Variants in KCNIP4 observed in about 807,000 individuals in gnomAD.
KCNIP4 encodes the protein potassium voltage-gated channel interacting protein 4.
Under a neutral mutation model 34.0 loss-of-function variants are expected in KCNIP4, and 12 were observed. That is an observed-to-expected ratio of 0.35 (90% CI 0.23 to 0.57). KCNIP4 has a LOEUF of 0.57. KCNIP4 is among the 20% of genes least tolerant of loss of function. The pLI is 0.83. For missense variants in KCNIP4, 238 were observed against 311.7 expected (o/e 0.76, Z 1.78); for synonymous variants, 124 against 102.2 (o/e 1.21, Z -1.29).
intron 1 of KCNIP4, among the ~76,000 whole-genome samples, chr4:21,389,799 T>C (rs1722385184): frequency 6.6e-6 from 1 of 152,076 alleles, no homozygotes; most frequent in African/African-American, 2.4e-5. Context: ...TAATTTATAA[T>C]CCTTTGGGCA....
chr4:21,562,222 TA>T (rs11460746), intron 1 of KCNIP4, among the ~76,000 whole-genome samples: 7 of 150,728 alleles, frequency 4.6e-5, no homozygotes, highest in East Asian at 2.0e-4. Context: ...AGGTTTAATT[TA>T]AAAAAAAAAT....
At chr4:21,401,656 A>G (rs1194353675) in intron 1 of KCNIP4, among the ~76,000 whole-genome samples, 3 of 152,248 alleles carry the variant, frequency 2.0e-5, no homozygotes, top group Non-Finnish European at 4.4e-5. Flanking sequence ...ATTAAGGAGC[A>G]GAGTATCCCA....
chr4:21,463,625 G>T (rs748940826), intron 1 of KCNIP4, among the ~76,000 whole-genome samples: 1 of 151,910 alleles, frequency 6.6e-6, no homozygotes, highest in Admixed American at 6.6e-5. Flanking sequence ...ATTTTATTGA[G>T]AAATTTTGTG....
intron 3 of KCNIP4, among the ~76,000 whole-genome samples, chr4:20,800,947 C>T (rs1714148192): frequency 6.6e-6 from 1 of 152,104 alleles, no homozygotes; most frequent in Non-Finnish European, 1.5e-5. Flanking sequence ...GGTCCCCAAA[C>T]ATATATAACC....
At chr4:21,009,872 C>G (rs1341480769) in intron 1 of KCNIP4, among the ~76,000 whole-genome samples, 2 of 152,162 alleles carry the variant, frequency 1.3e-5, no homozygotes, top group Non-Finnish European at 2.9e-5. Context: ...TTTGTCTGTG[C>G]CATTTTAAAA....
chr4:21,420,743 TG>T (rs1225624486), intron 1 of KCNIP4, among the ~76,000 whole-genome samples: 1 of 152,172 alleles, frequency 6.6e-6, no homozygotes. Flanking sequence ...GCAAACTTTT[TG>T]ATATAATCTC....
At chr4:20,747,895 T>C (rs1019200867) in intron 5 of KCNIP4, among the ~76,000 whole-genome samples, 5 of 152,210 alleles carry the variant, frequency 3.3e-5, no homozygotes, top group African/African-American at 9.6e-5. Flanking sequence ...TTCACCCAGA[T>C]AGCTGCCTAC....
intron 1 of KCNIP4, among the ~76,000 whole-genome samples, chr4:21,027,615 T>C (rs1382422059): frequency 1.3e-5 from 2 of 150,148 alleles, no homozygotes; most frequent in Admixed American, 6.6e-5. Flanking sequence ...TGAAAAGATA[T>C]GTAATCTTCT....
rs916168986 is a variant in KCNIP4 at position 21,729,550 on chromosome 4, C to G, written c.61+219021G>C. Among the ~76,000 whole-genome samples the G allele has an allele frequency of 2.6e-5, 4 of 150,970 alleles. No homozygotes were observed. In the Admixed American group the frequency reaches 2.7e-4, roughly 10 times the overall value. The stretch of plus-strand genomic sequence containing the variant: ...AAGATTTTTGCTGTGTTCTATGGAG[C>G]CTCAAGTGTTTTTTAAATGAAAAAG... On this transcript the variant is annotated intron_variant, in intron 1 of 8. Coordinates refer to ENST00000382152, the MANE Select transcript of KCNIP4 (RefSeq NM_025221.6).
chr4:20,999,438 G>GTTTTTTTTTTTTTTTTTTTTTTTTTTT (rs56952036), intron 1 of KCNIP4, among the ~76,000 whole-genome samples: 4 of 45,530 alleles, frequency 8.8e-5, no homozygotes, highest in Admixed American at 3.0e-4. Context: ...TTTGTTTTTT[G>GTTTTTTTTTTTTTTTTTTTTTTTTTTT]TTTTTTTTTT....
At chr4:21,072,793 T>C (rs1190969332) in intron 1 of KCNIP4, among the ~76,000 whole-genome samples, 1 of 152,204 alleles carries the variant, frequency 6.6e-6, no homozygotes, top group Non-Finnish European at 1.5e-5. Context: ...AACATGTAAG[T>C]CTTTAATCCA....
intron 1 of KCNIP4, among the ~76,000 whole-genome samples, chr4:21,576,925 T>C (rs1238528499): frequency 6.6e-6 from 1 of 152,160 alleles, no homozygotes; most frequent in Non-Finnish European, 1.5e-5. Context: ...ATGACACTCA[T>C]AATAGTAATA....
At chr4:21,770,293 G>A (rs969981827) in intron 1 of KCNIP4, among the ~76,000 whole-genome samples, 2 of 152,076 alleles carry the variant, frequency 1.3e-5, no homozygotes, top group African/African-American at 4.8e-5. Flanking sequence ...CAAAAGATAT[G>A]GCCTCATTCC....
chr4:21,639,108 C>T (rs982116693), intron 1 of KCNIP4, among the ~76,000 whole-genome samples: 1 of 152,014 alleles, frequency 6.6e-6, no homozygotes, highest in Non-Finnish European at 1.5e-5. Context: ...AGAACTATTG[C>T]CCAGAAATGA....
At chr4:21,224,861 A>G (rs1484091337) in intron 1 of KCNIP4, among the ~76,000 whole-genome samples, 1 of 152,054 alleles carries the variant, frequency 6.6e-6, no homozygotes, top group Non-Finnish European at 1.5e-5. Context: ...TGCTGAGATT[A>G]CAGGCATGAG....
At chr4:21,085,259 C>T (rs1398499499) in intron 1 of KCNIP4, among the ~76,000 whole-genome samples, 6 of 152,158 alleles carry the variant, frequency 3.9e-5, no homozygotes, top group Admixed American at 6.6e-5. Flanking sequence ...TATGAGGATA[C>T]ATGCAGCTAT....
At chr4:21,886,274 A>G (rs985682732) in intron 1 of KCNIP4, among the ~76,000 whole-genome samples, 2 of 152,114 alleles carry the variant, frequency 1.3e-5, no homozygotes, top group African/African-American at 4.8e-5. Flanking sequence ...TGAGGGTGAA[A>G]TTAAGCTCCA....
At chr4:21,693,672 C>T (rs1244656068) in intron 1 of KCNIP4, among the ~76,000 whole-genome samples, 1 of 152,192 alleles carries the variant, frequency 6.6e-6, no homozygotes, top group Non-Finnish European at 1.5e-5. Context: ...TCAAAGAAAA[C>T]TTGTGAAACA....
intron 1 of KCNIP4, among the ~76,000 whole-genome samples, chr4:21,244,746 A>C (rs1345075812): frequency 6.6e-6 from 1 of 152,228 alleles, no homozygotes; most frequent in African/African-American, 2.4e-5. Context: ...TTTTTAGAAC[A>C]AATGCTTTAT....
Sources: gnomAD v4.1 joint callset for allele counts (sites outside exome capture counted in the v4.1 genomes callset) on GRCh38, gnomAD v4.1.1 for gene constraint, MANE v1.5 for transcripts, NCBI Gene and HGNC (gene_info 2026-07-23, HGNC 2026-07-21) for gene names.